The following TFDP2 variants were observed in gnomAD, a reference collection of about 807,000 sequenced individuals.
TFDP2 encodes transcription factor Dp-2 (E2F dimerization partner 2).
Under a neutral mutation model 59.3 loss-of-function variants are expected in TFDP2, and 17 were observed. The ratio of observed to expected loss-of-function variants is 0.29; its 90% CI spans 0.20 to 0.43. The LOEUF (loss-of-function observed/expected upper bound fraction) is 0.43, where lower values mean the gene tolerates loss of function less well. Ranked by LOEUF, TFDP2 falls within the 20% of genes least tolerant of loss-of-function variation. The pLI is 1.00. For synonymous variants in TFDP2, 180 were observed against 194.7 expected (o/e 0.92, Z 0.63); for missense variants, 391 against 528.8 (o/e 0.74, Z 2.56).
At chr3:142,012,039 G>A (rs1308420420) in intron 3 of TFDP2, among the ~76,000 whole-genome samples, 3 of 141,624 alleles carry the variant, frequency 2.1e-5, no homozygotes, top group Admixed American at 7.3e-5. Flanking sequence ...TTGAGACAGA[G>A]TCTCGCTCTG....
intron 2 of TFDP2, among the ~76,000 whole-genome samples, chr3:142,098,870 G>C (rs2061242478): frequency 6.6e-6 from 1 of 152,160 alleles, no homozygotes; most frequent in Non-Finnish European, 1.5e-5. Context: ...TTGATCCCTG[G>C]AATCTAGATG....
chr3:142,070,782 T>C (rs2060220233), intron 3 of TFDP2, among the ~76,000 whole-genome samples: 2 of 152,250 alleles, frequency 1.3e-5, no homozygotes, highest in African/African-American at 2.4e-5. Context: ...GTTTGAAGTA[T>C]GTTTTATTTT....
rs557465870 is a variant in TFDP2, at chr3:142,047,154, G to A, written c.83-41610C>T. On this transcript the variant is annotated intron_variant, in intron 3 of 12. Coordinates refer to ENST00000489671, the MANE Select transcript of TFDP2 (RefSeq NM_001178139.2). ...CAACGTTGAAAGACTTCCAATAGAT[G>A]TGAAGTTTAAACTGAAGCACTGTAG... Among the ~76,000 whole-genome samples the A allele has an allele frequency of 3.3e-5, 5 of 152,298 alleles. No individual in the cohort carries two copies. The East Asian group carries it at 9.6e-4, about 29-fold the overall frequency.
Position 142,101,827 on chromosome 3 carries a change from C to T in TFDP2, c.-78G>A, listed in dbSNP as rs2061326269. ...AAAAAAACCTTCGTCTTCAATAATT[C>T]TTTAAAAGAACAACCTGTTAAAGGA... On this transcript the variant is annotated 5_prime_UTR_variant, in exon 2 of 13. Coordinates refer to ENST00000489671, the MANE Select transcript of TFDP2 (RefSeq NM_001178139.2). 1.2e-6 allele frequency: 1 copy of T among 841,460 alleles called. No individual in the cohort carries two copies. Among genetic ancestry groups the T allele is most frequent in the African/African-American group, 1.7e-5 (1 of 58,794 alleles). 52.1% of individuals were successfully genotyped at this position (841,460 alleles called of 1,614,324 possible).
chr3:142,134,582 A>G (rs1282599496), intron 1 of TFDP2, among the ~76,000 whole-genome samples: 1 of 152,122 alleles, frequency 6.6e-6, no homozygotes, highest in East Asian at 1.9e-4. Flanking sequence ...GCATTAATTA[A>G]GATGATTTTT....
chr3:141,985,021 T>C (rs1263044341), intron 6 of TFDP2, among the ~76,000 whole-genome samples: 1 of 152,032 alleles, frequency 6.6e-6, no homozygotes, highest in Non-Finnish European at 1.5e-5. Flanking sequence ...GTTACTTCCA[T>C]TGTCACATCT....
intron 1 of TFDP2, among the ~76,000 whole-genome samples, chr3:142,142,993 TG>T (rs1434458187): frequency 6.6e-6 from 1 of 152,236 alleles, no homozygotes; most frequent in Non-Finnish European, 1.5e-5. Context: ...CCCAGCACTT[TG>T]GGAGGCCAAG....
intron 3 of TFDP2, among the ~76,000 whole-genome samples, chr3:142,069,991 C>T (rs1412213318): frequency 1.3e-5 from 2 of 150,544 alleles, no homozygotes; most frequent in African/African-American, 4.9e-5. Context: ...CTGCAACCTC[C>T]GTTTCCCAAA....
At chr3:141,992,358 C>T (rs11569215) in intron 6 of TFDP2, among the ~76,000 whole-genome samples, 71 of 152,164 alleles carry the variant, frequency 4.7e-4, no homozygotes, top group Non-Finnish European at 8.7e-4. Flanking sequence ...TAACCTAACA[C>T]TTTTATGTGT....
At chr3:142,069,627 A>G (rs2060178203) in intron 3 of TFDP2, among the ~76,000 whole-genome samples, 1 of 148,250 alleles carries the variant, frequency 6.7e-6, no homozygotes, top group African/African-American at 2.5e-5. Context: ...TTTTTTTGAG[A>G]CGGAGTTTCG....
At chr3:141,991,562 CAGCCTG>C (rs1942763657) in intron 6 of TFDP2, among the ~76,000 whole-genome samples, 1 of 151,054 alleles carries the variant, frequency 6.6e-6, no homozygotes, top group East Asian at 2.0e-4. Context: ...AGTTAAAGAC[CAGCCTG>C]GCCACATGGT....
chr3:142,067,727 G>A (rs1434331034), intron 3 of TFDP2, among the ~76,000 whole-genome samples: 3 of 152,142 alleles, frequency 2.0e-5, no homozygotes, highest in Non-Finnish European at 4.4e-5. Context: ...TGTAGGTCGG[G>A]CATGGTAGCT....
At chr3:142,132,634 A>G (rs1371885476) in intron 1 of TFDP2, among the ~76,000 whole-genome samples, 1 of 148,676 alleles carries the variant, frequency 6.7e-6, no homozygotes, top group Non-Finnish European at 1.5e-5. Context: ...AGTTCCAGCT[A>G]CTTGGGAGGC....
Position 142,117,420 on chromosome 3 carries a change from GAAA to G in TFDP2, c.-92-15582_-92-15580del, listed in dbSNP as rs202191220. Among the ~76,000 whole-genome samples the G allele has an allele frequency of 4.7e-5, 6 of 127,230 alleles. No homozygotes were observed. The East Asian group carries it at 1.3e-3, about 29-fold the overall frequency. The allele number at this position is 127,230 out of a possible 152,430, so 83.5% of individuals were successfully genotyped here. ...CTTCAAATTACCTATAAGTCAAGCA[GAAA>G]AAAAAAAAAAGCAGCAAATAGCAAA... On this transcript the variant is annotated intron_variant, in intron 1 of 12. Transcript: ENST00000489671.
chr3:142,025,868 G>A (rs993221670), intron 3 of TFDP2, among the ~76,000 whole-genome samples: 1 of 152,282 alleles, frequency 6.6e-6, no homozygotes, highest in Non-Finnish European at 1.5e-5. Context: ...GGGGGCTGAG[G>A]AAGGAGAATC....
chr3:142,072,231 T>G (rs1359989726), intron 3 of TFDP2, among the ~76,000 whole-genome samples: 1 of 152,246 alleles, frequency 6.6e-6, no homozygotes, highest in African/African-American at 2.4e-5. Context: ...TCTTTACACA[T>G]TCTATGAGCA....
At chr3:142,087,368 AG>A (rs2060835880) in intron 3 of TFDP2, among the ~76,000 whole-genome samples, 1 of 150,600 alleles carries the variant, frequency 6.6e-6, no homozygotes, top group South Asian at 2.1e-4. Flanking sequence ...ACCTAAACAT[AG>A]CTAAACATAG....
At position 142,124,246 on chromosome 3, in the gene TFDP2, A is replaced by C. The variant is rs373525579; in HGVS notation, c.-92-22405T>G. On this transcript the variant is annotated intron_variant, in intron 1 of 12. Coordinates refer to ENST00000489671, the MANE Select transcript of TFDP2 (RefSeq NM_001178139.2). ...CCTTTTAATTTGCTCAACTGATTCAAAAGTTAATGTGGTAAAATAAGCAAG... is the reference window on the plus strand; with the variant it reads ...CCTTTTAATTTGCTCAACTGATTCACAAGTTAATGTGGTAAAATAAGCAAG... Among the ~76,000 whole-genome samples, 34 of 152,336 alleles carry C rather than the reference A, an allele frequency of 2.2e-4. No individual in the cohort carries two copies. The South Asian group carries it at 6.6e-3, about 30-fold the overall frequency.
chr3:141,960,981 C>A (rs1937277258), intron 10 of TFDP2, among the ~76,000 whole-genome samples: 2 of 152,186 alleles, frequency 1.3e-5, no homozygotes, highest in Non-Finnish European at 2.9e-5. Context: ...AAGGAAAGGG[C>A]ATGAGTCAGG....
Sources: gnomAD v4.1 joint callset for allele counts (sites outside exome capture counted in the v4.1 genomes callset) on GRCh38, gnomAD v4.1.1 for gene constraint, MANE v1.5 for transcripts, NCBI Gene and HGNC (gene_info 2026-07-23, HGNC 2026-07-21) for gene names.